EXPH5: variants seen among roughly 807,000 people sequenced by gnomAD.
EXPH5 encodes exophilin-5.
A neutral mutation model predicts 41.1 loss-of-function variants in EXPH5; 42 were observed. The observed-to-expected ratio is 1.02, with a 90% CI of 0.80 to 1.32. EXPH5 has a LOEUF of 1.32. Among genes scored for constraint, EXPH5 ranks in the 40% most tolerant of loss-of-function variants. The probability of loss-of-function intolerance (pLI) is 0.00; values close to 1 mark genes in which losing one functional copy is unlikely to be tolerated. For missense variants in EXPH5, 2,298 were observed against 2,314.5 expected (o/e 0.99, Z 0.15); for synonymous variants, 798 against 833.5 (o/e 0.96, Z 0.73).
rs568079674 is a variant in EXPH5, at chr11:108,576,055, C to T, written c.119+17363G>A. Among the ~76,000 whole-genome samples the T allele has an allele frequency of 9.9e-5, 15 of 152,268 alleles. 1 individual carries two copies. The highest frequency in any genetic ancestry group is 1.5e-4 in the Non-Finnish European group (10 of 68,012). ...TTAAACATAGAATTACCATATGTTC[C>T]AGTAATTCCATTCCTACCTATATAC... is the stretch of plus-strand genomic sequence containing the variant. On this transcript the variant is annotated intron_variant, in intron 1 of 5. Transcript: ENST00000265843.
At chr11:108,548,058 G>A (rs981334080) in intron 1 of EXPH5, among the ~76,000 whole-genome samples, 1 of 142,306 alleles carries the variant, frequency 7.0e-6, no homozygotes, top group Non-Finnish European at 1.5e-5. Flanking sequence ...GCAGTGAGCC[G>A]AGATTGCACC....
At chr11:108,563,534 C>G (rs761054562) in intron 1 of EXPH5, among the ~76,000 whole-genome samples, 11 of 152,188 alleles carry the variant, frequency 7.2e-5, no homozygotes, top group Non-Finnish European at 1.2e-4. Context: ...TGCTGGGGAA[C>G]AGTGCCGGGC....
intron 3 of EXPH5, chr11:108,538,376 CAACAACA>C: frequency 2.7e-6 from 1 of 374,276 alleles, no homozygotes; most frequent in Non-Finnish European, 3.7e-6. Flanking sequence ...CAAAGTAATC[CAACAACA>C]TAATGAGTCA....
chr11:108,538,236 G>A (rs2093891916), intron 3 of EXPH5: 14 of 985,366 alleles, frequency 1.4e-5, no homozygotes, highest in Non-Finnish European at 1.6e-5. Flanking sequence ...GTGGTTTGAC[G>A]GCACGCGGAA....
At chr11:108,518,406 CT>C (rs770305249) in intron 4 of EXPH5, 33 bp from the exon 5 acceptor site, 2 of 1,606,088 alleles carry the variant, frequency 1.2e-6, no homozygotes, top group Non-Finnish European at 8.5e-7. Flanking sequence ...AATATTATTT[CT>C]GAGCCTTCAC....
Position 108,509,288 on chromosome 11 carries a change from T to C in EXPH5, c.*249A>G. The C allele has an allele frequency of 3.1e-6, 1 of 325,992 alleles. No homozygotes were observed. Among genetic ancestry groups the C allele is most frequent in the East Asian group, 4.9e-5 (1 of 20,574 alleles). The allele number at this position is 325,992 out of a possible 1,614,324, so 20.2% of individuals were successfully genotyped here. The stretch of plus-strand genomic sequence containing the variant: ...TGAATCAGGGATTAAGTGGGAGTGG[T>C]GGAAAGGCAGGCTAAGAACATTTAC... On this transcript the variant is annotated 3_prime_UTR_variant, in exon 6 of 6. Coordinates refer to ENST00000265843, the MANE Select transcript of EXPH5 (RefSeq NM_015065.3).
chr11:108,588,698 A>T (rs1390354541), intron 1 of EXPH5, among the ~76,000 whole-genome samples: 1 of 152,236 alleles, frequency 6.6e-6, no homozygotes, highest in Non-Finnish European at 1.5e-5. Context: ...TTTGGAAAAG[A>T]AGATAATAGT....
intron 1 of EXPH5, among the ~76,000 whole-genome samples, chr11:108,576,538 T>C (rs944918117): frequency 6.6e-6 from 1 of 152,322 alleles, no homozygotes; most frequent in Middle Eastern, 3.4e-3. Context: ...GATAGTTTTA[T>C]GTTATATTAA....
rs537676141 is a variant in EXPH5, at chr11:108,561,057, C to A, written c.120-19245G>T. 1.1e-3 allele frequency among the ~76,000 whole-genome samples: 170 copies of A among 152,212 alleles called. 2 individuals are homozygous for A. In the South Asian group the frequency reaches 0.034, roughly 30 times the overall value. On this transcript the variant is annotated intron_variant, in intron 1 of 5. Coordinates refer to ENST00000265843, the MANE Select transcript of EXPH5 (RefSeq NM_015065.3). ...ATAACTAACATTGGAGGACATTATG[C>A]ATTTTAAATAAATGTGTCTCAGTGC...
At chr11:108,594,865 A>G (rs531635916), upstream of EXPH5, among the ~76,000 whole-genome samples, 146 of 152,372 alleles carry the variant, frequency 9.6e-4, no homozygotes, top group Non-Finnish European at 1.9e-3. Context: ...CCATTTGATC[A>G]TCATTATTTA....
At chr11:108,604,784 G>A in the EXPH5 span, among the ~76,000 whole-genome samples, 1 of 152,064 alleles carries the variant, frequency 6.6e-6, no homozygotes, top group African/African-American at 2.4e-5. Context: ...CACAAGAAGT[G>A]GCTACTACCT....
At chr11:108,544,099 G>A (rs958662595) in intron 1 of EXPH5, among the ~76,000 whole-genome samples, 1 of 152,140 alleles carries the variant, frequency 6.6e-6, no homozygotes, top group South Asian at 2.1e-4. Flanking sequence ...AGACAGTCAA[G>A]CTACTTGACT....
intron 1 of EXPH5, among the ~76,000 whole-genome samples, chr11:108,575,914 A>G (rs1473966572): frequency 1.3e-5 from 2 of 151,980 alleles, no homozygotes; most frequent in African/African-American, 2.4e-5. Context: ...GTGAGCCGAG[A>G]TCACACCACT....
rs944322789 is a variant in EXPH5 at position 108,507,433 on chromosome 11, T to C, written c.*2104A>G. On this transcript the variant is annotated 3_prime_UTR_variant, in exon 6 of 6. Transcript: ENST00000265843. ...AGGTATAAAAAATGGAAAATTAGAT[T>C]AGGTCGCGAAGCAAATATAAACCAA... is the stretch of plus-strand genomic sequence containing the variant. 2.6e-5 allele frequency: 4 copies of C among 152,160 alleles called. No individual in the cohort carries two copies. Among genetic ancestry groups the C allele is most frequent in the African/African-American group, 9.7e-5 (4 of 41,434 alleles). 9.4% of individuals were successfully genotyped at this position (152,160 alleles called of 1,614,324 possible).
At chr11:108,582,137 A>C (rs2094100191) in intron 1 of EXPH5, among the ~76,000 whole-genome samples, 1 of 152,220 alleles carries the variant, frequency 6.6e-6, no homozygotes, top group African/African-American at 2.4e-5. Flanking sequence ...GTCATTTTAC[A>C]AGGCTAGAAT....
chr11:108,582,912 G>A (rs1315918512), intron 1 of EXPH5, among the ~76,000 whole-genome samples: 1 of 152,216 alleles, frequency 6.6e-6, no homozygotes, highest in East Asian at 1.9e-4. Flanking sequence ...TATTAGAATA[G>A]GGCCCATCCT....
In EXPH5 at chr11:108,509,785, C is replaced by CT. The variant is rs1240013709; in HGVS notation, c.5721dup (p.Gly1908ArgfsTer10). The stretch of plus-strand genomic sequence containing the variant: ...AGAAAACTTGGTTTCCATAATCTTC[C>CT]TTGTGTAAGTGACCTCTTTACATTT... On this transcript the variant is annotated frameshift_variant, in exon 6 of 6. Coordinates refer to ENST00000265843, the MANE Select transcript of EXPH5 (RefSeq NM_015065.3). LOFTEE classifies it high-confidence loss of function. 6.2e-7 allele frequency: 1 copy of CT among 1,609,624 alleles called. No homozygotes were observed. The highest frequency in any genetic ancestry group is 8.5e-7 in the Non-Finnish European group (1 of 1,178,978).
At position 108,541,755 on chromosome 11, in the gene EXPH5, C is replaced by T. The variant is rs1188666001; in HGVS notation, c.177G>A (p.Trp59Ter). 1.2e-6 allele frequency: 2 copies of T among 1,612,580 alleles called. No individual in the cohort carries two copies. Among genetic ancestry groups the T allele is most frequent in the South Asian group, 2.2e-5 (2 of 90,942 alleles). ...ACTTTTTTCTTTGAATTTCTTCAAA[C>T]CATTCACCAGTCACTCCCTGAAGCC... ...IRWLQGVTGE[W>*]FEEIQRKKFC... is the part of the protein sequence containing the mutation. The change falls in exon 2 of 6, where the codon TGG (tryptophan) becomes TGA (stop). Residue 59 changes from tryptophan (W) to a stop codon, truncating the protein, a stop_gained. Coordinates refer to ENST00000265843, the MANE Select transcript of EXPH5 (RefSeq NM_015065.3). LOFTEE classifies it high-confidence loss of function.
At position 108,539,021 on chromosome 11, in the gene EXPH5, C is replaced by G; in HGVS notation, c.443+3G>C. On this transcript the variant is annotated splice_donor_region_variant and intron_variant, in intron 3 of 5. Coordinates refer to ENST00000265843, the MANE Select transcript of EXPH5 (RefSeq NM_015065.3). ...GCCGTAACATGACCTGAGTTTAACT[C>G]ACCCTTTCTGTCCCAGTGATGGAAG... The G allele has an allele frequency of 6.3e-7, 1 of 1,581,188 alleles. No individual in the cohort carries two copies. The highest frequency in any genetic ancestry group is 8.6e-7 in the Non-Finnish European group (1 of 1,162,308).
Sources: gnomAD v4.1 joint callset for allele counts (sites outside exome capture counted in the v4.1 genomes callset) on GRCh38, gnomAD v4.1.1 for gene constraint, MANE v1.5 for transcripts, NCBI Gene and HGNC (gene_info 2026-07-23, HGNC 2026-07-21) for gene names.